The following ELP1 variants were observed in gnomAD, a reference collection of about 807,000 sequenced individuals.
ELP1 encodes the protein elongator complex protein 1.
In ELP1, 131 loss-of-function variants were observed where a neutral mutation model predicts 183.2. The observed-to-expected ratio is 0.72, with a 90% CI of 0.62 to 0.83. The LOEUF (loss-of-function observed/expected upper bound fraction) is 0.83. Ranked by LOEUF, ELP1 falls within the 40% of genes least tolerant of loss-of-function variation. The pLI is 0.00. For missense variants in ELP1, 1,550 were observed against 1,594.9 expected, an observed-to-expected ratio of 0.97 and a Z score of 0.48; for synonymous variants, 555 against 569.0, an observed-to-expected ratio of 0.98 and a Z score of 0.35.
chr9:108,931,294 G>T, intron 1 of ELP1, 93 bp from the exon 2 acceptor site: 1 of 846,346 alleles, frequency 1.2e-6, no homozygotes, highest in Non-Finnish European at 1.9e-6. Context: ...GTCAGAATCA[G>T]AATAACCAAG....
At chr9:108,873,744 G>A (rs1285188419) in intron 36 of ELP1, among the ~76,000 whole-genome samples, 1 of 152,158 alleles carries the variant, frequency 6.6e-6, no homozygotes, top group Non-Finnish European at 1.5e-5. Flanking sequence ...AAGTGGGCTG[G>A]GCACAGGGGC....
intron 27 of ELP1, among the ~76,000 whole-genome samples, chr9:108,891,955 G>A (rs1828354867): frequency 6.6e-6 from 1 of 152,166 alleles, no homozygotes; most frequent in Non-Finnish European, 1.5e-5. Context: ...GACGGCCAGT[G>A]TGACTAGAGC....
intron 2 of ELP1, 139 bp downstream of exon 2, chr9:108,930,858 A>C: frequency 1.2e-6 from 1 of 804,682 alleles, no homozygotes; most frequent in Non-Finnish European, 2.1e-6. Context: ...AACATGGCAT[A>C]TATATGAAGC....
At chr9:108,893,430 C>T (rs1828415952) in intron 26 of ELP1, among the ~76,000 whole-genome samples, 1 of 152,178 alleles carries the variant, frequency 6.6e-6, no homozygotes, top group African/African-American at 2.4e-5. Context: ...CCAAGGATGC[C>T]AGCAGCTGAA....
chr9:108,899,458 G>A (rs1041964576), intron 20 of ELP1, among the ~76,000 whole-genome samples: 8 of 152,030 alleles, frequency 5.3e-5, no homozygotes, highest in Non-Finnish European at 1.0e-4. Flanking sequence ...CATAGGCCCC[G>A]CTGTAAATCT....
In ELP1 at chr9:108,929,790, G is replaced by A. The variant is rs755847951; in HGVS notation, c.282C>T (p.Leu94=). The A allele has an allele frequency of 1.2e-6, 2 of 1,614,020 alleles. No individual in the cohort carries two copies. Among genetic ancestry groups the A allele is most frequent in the African/African-American group, 1.3e-5 (1 of 75,046 alleles). ...CVATASGDVI[L]CSLSTQQLEC... is the part of the protein sequence containing the mutation. ...TTACCTGTTGTGTGCTGAGACTGCA[G>A]AGTATGACGTCTCCAGAGGCTGTGG... The change falls in exon 3 of 37, where the codon CTC becomes CTT. Residue 94 remains leucine (L), a synonymous_variant. Coordinates refer to ENST00000374647, the MANE Select transcript of ELP1 (RefSeq NM_003640.5).
rs187975522 is a variant in ELP1, at chr9:108,893,002, C to T, written c.2942G>A (p.Ser981Asn). The change falls in exon 27 of 37, where the codon AGC (serine) becomes AAC (asparagine). Residue 981 changes from serine (S) to asparagine (N), a missense_variant. By Grantham distance (46) the Ser-to-Asn change is conservative. Coordinates refer to ENST00000374647, the MANE Select transcript of ELP1 (RefSeq NM_003640.5). ...ACCACATACCTGGTACTGTTGTGAG[C>T]TTGGTGAATATAACTTCAGAGCTTC... ...YNEALKLYSP[S>N]SQQYQDISIA... 2 of 1,613,206 alleles carry T rather than the reference C, an allele frequency of 1.2e-6. No individual in the cohort carries two copies. The highest frequency in any genetic ancestry group is 4.5e-5 in the East Asian group (2 of 44,866).
chr9:108,908,135 C>T (rs537152466), intron 13 of ELP1, among the ~76,000 whole-genome samples, 170 bp downstream of exon 13: 45 of 152,294 alleles, frequency 3.0e-4, no homozygotes, highest in African/African-American at 1.0e-3. Flanking sequence ...GGCATTCAGA[C>T]AAACTACATG....
chr9:108,878,214 T>C (rs956568797), intron 34 of ELP1, 65 bp from the exon 35 acceptor site: 12 of 1,456,796 alleles, frequency 8.2e-6, no homozygotes, highest in African/African-American at 2.8e-5. Flanking sequence ...GAATCATACA[T>C]AGCTTCTATC....
In ELP1 at chr9:108,897,205, T is replaced by C. The variant is rs1211909830; in HGVS notation, c.2444A>G (p.Lys815Arg). The C allele has an allele frequency of 6.2e-7, 1 of 1,614,054 alleles. No homozygotes were observed. The highest frequency in any genetic ancestry group is 1.3e-5 in the African/African-American group (1 of 74,924). The change falls in exon 23 of 37, where the codon AAA (lysine) becomes AGA (arginine). Residue 815 changes from lysine to arginine, a missense_variant. Physicochemically the swap from Lys to Arg is conservative, Grantham distance 26 (BLOSUM62 2). Transcript: ENST00000374647. ...CATAGCATCGCAGACAAGGTCTATTTTATTCCCGTCAGGATCCCTGGACAG... is the reference window on the plus strand; with the variant it reads ...CATAGCATCGCAGACAAGGTCTATTCTATTCCCGTCAGGATCCCTGGACAG... ...VYLSRDPDGN[K>R]IDLVCDAMRA...
At chr9:108,875,285 G>T (rs1357538111) in intron 35 of ELP1, among the ~76,000 whole-genome samples, 1 of 152,188 alleles carries the variant, frequency 6.6e-6, no homozygotes, top group African/African-American at 2.4e-5. Context: ...AGGGAAAAGA[G>T]TAAAAGAGGC....
At chr9:108,905,736 C>T (rs940382721) in intron 14 of ELP1, among the ~76,000 whole-genome samples, 1 of 152,130 alleles carries the variant, frequency 6.6e-6, no homozygotes, top group African/African-American at 2.4e-5. Flanking sequence ...GCCTACTACA[C>T]CCCTAGCCTA....
chr9:108,881,864 A>G, intron 30 of ELP1, 99 bp from the exon 31 acceptor site: 1 of 816,630 alleles, frequency 1.2e-6, no homozygotes. Flanking sequence ...AGGTAATCAG[A>G]ATATTTTCCT....
At chr9:108,884,537 G>T (rs1371058537) in intron 29 of ELP1, among the ~76,000 whole-genome samples, 1 of 152,022 alleles carries the variant, frequency 6.6e-6, no homozygotes, top group East Asian at 1.9e-4. Context: ...TAAAATGTAT[G>T]TTCTCTAATC....
At position 108,906,158 on chromosome 9, in the gene ELP1, C is replaced by T. The variant is rs4369056; in HGVS notation, c.1643+145G>A. The T allele has an allele frequency of 0.16, 121,404 of 764,234 alleles. 11,443 individuals are homozygous for T. Among genetic ancestry groups the T allele is most frequent in the African/African-American group, 0.32 (18,233 of 57,836 alleles). 47.3% of individuals were successfully genotyped at this position (764,234 alleles called of 1,614,324 possible). A position where few individuals can be genotyped will look rare whatever the true frequency, so the allele number is the denominator to read the frequency against. The stretch of plus-strand genomic sequence containing the variant: ...TATTTTGACATGGCTCATAACTAGA[C>T]TTAACCTTCTTGTTAAGTGTGTCTA... On this transcript the variant is annotated intron_variant, in intron 14 of 36. Transcript: ENST00000374647.
chr9:108,873,356 A>T (rs140894139), intron 36 of ELP1, among the ~76,000 whole-genome samples: 382 of 152,348 alleles, frequency 2.5e-3, no homozygotes, highest in African/African-American at 8.8e-3. Flanking sequence ...GGGGAGGGGC[A>T]GCTGAGTAAT....
chr9:108,900,328 G>T lies in ELP1; in HGVS notation c.2062C>A (p.Leu688Met), dbSNP rs758269537. The change falls in exon 19 of 37, where the codon CTG becomes ATG. Residue 688 changes from leucine (L) to methionine (M), a missense_variant. Transcript: ENST00000374647. ...SSNHVSHGEVLRKVERGSRIV... is the reference protein window; with the variant it reads ...SSNHVSHGEVMRKVERGSRIV... ...CGTGAACCCCTCTCCACTTTCCGCA[G>T]AACTTCCCCATGGGACACATGATTG... is the stretch of plus-strand genomic sequence containing the variant. 1 of 1,614,174 alleles carries T rather than the reference G, an allele frequency of 6.2e-7. No individual in the cohort carries two copies. The highest frequency in any genetic ancestry group is 2.2e-5 in the East Asian group (1 of 44,886).
chr9:108,891,082 T>G (rs1828312538), intron 28 of ELP1, 121 bp downstream of exon 28: 1 of 947,458 alleles, frequency 1.1e-6, no homozygotes, highest in African/African-American at 1.6e-5. Flanking sequence ...TTAATTTTTA[T>G]CAGTGAGAAC....
chr9:108,883,541 G>A (rs1309722763), intron 29 of ELP1, among the ~76,000 whole-genome samples: 5 of 129,598 alleles, frequency 3.9e-5, no homozygotes, highest in East Asian at 2.2e-4. Context: ...TTGAAAACTC[G>A]GAAAATACTG....
Sources: gnomAD v4.1 joint callset for allele counts (sites outside exome capture counted in the v4.1 genomes callset) on GRCh38, gnomAD v4.1.1 for gene constraint, MANE v1.5 for transcripts, NCBI Gene and HGNC (gene_info 2026-07-23, HGNC 2026-07-21) for gene names.